RALGPS2: variants seen among roughly 807,000 people sequenced by gnomAD.
RALGPS2 encodes the protein ras-specific guanine nucleotide-releasing factor RalGPS2.
RALGPS2 carries 43 observed loss-of-function variants against 86.8 expected under a neutral mutation model. That is an observed-to-expected ratio of 0.50 (90% CI 0.39 to 0.64). The LOEUF is 0.64. Among genes scored for constraint, RALGPS2 ranks in the 30% least tolerant of loss-of-function variants. The pLI, the probability that RALGPS2 is intolerant of heterozygous loss-of-function variation, is 0.00. For synonymous variants in RALGPS2, 243 were observed against 231.3 expected, an observed-to-expected ratio of 1.05 and a Z score of -0.46; for missense variants, 536 against 694.6, an observed-to-expected ratio of 0.77 and a Z score of 2.57.
intron 1 of RALGPS2, among the ~76,000 whole-genome samples, chr1:178,728,229 T>C (rs1391265385): frequency 6.6e-6 from 1 of 152,180 alleles, no homozygotes; most frequent in Non-Finnish European, 1.5e-5. Context: ...TTTTAAAATA[T>C]CACCTTTTTA....
At chr1:178,827,236 C>T (rs1457343954) in intron 7 of RALGPS2, among the ~76,000 whole-genome samples, 1 of 152,126 alleles carries the variant, frequency 6.6e-6, no homozygotes, top group Non-Finnish European at 1.5e-5. Flanking sequence ...CAGCCCAAAG[C>T]AATCTACAGA....
intron 1 of RALGPS2, among the ~76,000 whole-genome samples, chr1:178,760,605 A>G (rs1159995359): frequency 2.0e-5 from 3 of 152,120 alleles, no homozygotes; most frequent in Non-Finnish European, 4.4e-5. Context: ...CAGCAGACGG[A>G]TGGGTCTTGT....
In RALGPS2 at chr1:178,921,182, A is replaced by G. The variant is rs1647286947; in HGVS notation, c.*4823A>G. 6.6e-6 allele frequency: 1 copy of G among 151,992 alleles called. No homozygotes were observed. Among genetic ancestry groups the G allele is most frequent in the African/African-American group, 2.4e-5 (1 of 41,416 alleles). 9.4% of individuals were successfully genotyped at this position (151,992 alleles called of 1,614,324 possible). On this transcript the variant is annotated 3_prime_UTR_variant, in exon 20 of 20. Transcript: ENST00000367635. ...ACTGGTCCTTGAGGAGTGTTAGCAA[A>G]ATTTAAATTTTGACCCTGGCCATTT...
At chr1:178,883,600 C>T (rs1441678234) in intron 11 of RALGPS2, 67 bp downstream of exon 11, 2 of 1,232,282 alleles carry the variant, frequency 1.6e-6, no homozygotes, top group African/African-American at 3.0e-5. Context: ...GAATATACTC[C>T]AAAGTAAATA....
chr1:178,832,064 T>C (rs1331642990), intron 7 of RALGPS2, among the ~76,000 whole-genome samples: 5 of 152,178 alleles, frequency 3.3e-5, no homozygotes, highest in Admixed American at 3.3e-4. Flanking sequence ...CTATGTCACA[T>C]AACTATATTT....
rs573877154 is a variant in RALGPS2, at chr1:178,812,782, T to C, written c.387+1378T>C. On this transcript the variant is annotated intron_variant, in intron 6 of 19. Transcript: ENST00000367635. ...ACAGTTATTAAAAGTCATAACTCTT[T>C]CCTATTTTCCTTAAGAACATGGGAG... 2.6e-4 allele frequency among the ~76,000 whole-genome samples: 39 copies of C among 152,282 alleles called. No homozygotes were observed. In the Middle Eastern group the frequency reaches 0.01, roughly 40 times the overall value.
intron 11 of RALGPS2, among the ~76,000 whole-genome samples, chr1:178,884,861 C>T (rs1659407660): frequency 6.6e-6 from 1 of 152,190 alleles, no homozygotes; most frequent in Non-Finnish European, 1.5e-5. Flanking sequence ...AATATTTACA[C>T]TGCCTCTACT....
At chr1:178,866,250 C>G (rs1345056561) in intron 8 of RALGPS2, among the ~76,000 whole-genome samples, 1 of 152,096 alleles carries the variant, frequency 6.6e-6, no homozygotes, top group African/African-American at 2.4e-5. Context: ...TTAAAATTAC[C>G]AGGTGACTTT....
chr1:178,890,700 A>G (rs1659683015), intron 14 of RALGPS2, among the ~76,000 whole-genome samples: 1 of 151,882 alleles, frequency 6.6e-6, no homozygotes, highest in Non-Finnish European at 1.5e-5. Flanking sequence ...TGTGATTAAG[A>G]TTTTGTTTAT....
rs1056664021 is a variant in RALGPS2 at position 178,856,096 on chromosome 1, G to A, written c.608-21402G>A. Among the ~76,000 whole-genome samples, 40 of 148,418 alleles carry A rather than the reference G, an allele frequency of 2.7e-4. 1 individual carries two copies. The highest frequency in any genetic ancestry group is 2.4e-3 in the Admixed American group (35 of 14,860). ...GTTTAGTCAAGTAAAAGTTCTGTAC[G>A]ATAAGGATAATAGTTTTATCCTTAT... On this transcript the variant is annotated intron_variant, in intron 8 of 19. Coordinates refer to ENST00000367635, the MANE Select transcript of RALGPS2 (RefSeq NM_152663.5).
chr1:178,913,282 CAA>C (rs564534239), intron 19 of RALGPS2, among the ~76,000 whole-genome samples: 13 of 126,770 alleles, frequency 1.0e-4, no homozygotes, highest in Admixed American at 1.6e-4. Flanking sequence ...ACTCCCATCT[CAA>C]AAAAAAAAAA....
At chr1:178,805,496 T>C (rs1572350604) in intron 4 of RALGPS2, among the ~76,000 whole-genome samples, 4 of 151,942 alleles carry the variant, frequency 2.6e-5, no homozygotes, top group Admixed American at 2.0e-4. Flanking sequence ...TTTCTACATA[T>C]GGCTAGCCAG....
At chr1:178,793,962 G>A (rs946780527) in intron 4 of RALGPS2, among the ~76,000 whole-genome samples, 1 of 152,134 alleles carries the variant, frequency 6.6e-6, no homozygotes, top group African/African-American at 2.4e-5. Flanking sequence ...AAAGGATTCT[G>A]TAGTTTCATT....
chr1:178,850,955 TGAC>T (rs1179321212), intron 8 of RALGPS2: 4 of 499,954 alleles, frequency 8.0e-6, no homozygotes, highest in Admixed American at 4.1e-5. Flanking sequence ...CTGCAGTAAT[TGAC>T]GACAGATGAA....
chr1:178,800,132 G>C (rs1373682149), intron 4 of RALGPS2, among the ~76,000 whole-genome samples: 1 of 152,122 alleles, frequency 6.6e-6, no homozygotes. Context: ...AGATGATGAG[G>C]AAGAAGATGT....
chr1:178,784,627 C>A, intron 3 of RALGPS2, 105 bp downstream of exon 3: 1 of 760,858 alleles, frequency 1.3e-6, no homozygotes, highest in Non-Finnish European at 2.0e-6. Context: ...TTTTAGAAAC[C>A]TGGATATGGG....
chr1:178,835,973 GAAAAT>G (rs1361534186), intron 8 of RALGPS2, among the ~76,000 whole-genome samples: 1 of 152,138 alleles, frequency 6.6e-6, no homozygotes, highest in African/African-American at 2.4e-5. Context: ...TTCAAAATGA[GAAAAT>G]AAGATAATAG....
intron 5 of RALGPS2, among the ~76,000 whole-genome samples, chr1:178,810,952 C>A (rs1209226373): frequency 1.3e-5 from 2 of 151,948 alleles, no homozygotes; most frequent in Non-Finnish European, 2.9e-5. Context: ...TATATCTAAT[C>A]TGCCTTCTAA....
At chr1:178,892,464 A>G (rs1257010001) in intron 15 of RALGPS2, among the ~76,000 whole-genome samples, 157 bp downstream of exon 15, 2 of 152,162 alleles carry the variant, frequency 1.3e-5, no homozygotes, top group East Asian at 3.9e-4. Context: ...AAGATCTAAT[A>G]TGAAGATAAA....
Sources: gnomAD v4.1 joint callset for allele counts (sites outside exome capture counted in the v4.1 genomes callset) on GRCh38, gnomAD v4.1.1 for gene constraint, MANE v1.5 for transcripts, NCBI Gene and HGNC (gene_info 2026-07-23, HGNC 2026-07-21) for gene names.